Variants in FMN2 observed in about 807,000 individuals in gnomAD.
FMN2 encodes formin-2.
Under a neutral mutation model 142.3 loss-of-function variants are expected in FMN2, and 51 were observed. That is an observed-to-expected ratio of 0.36 (90% CI 0.29 to 0.45). The LOEUF (loss-of-function observed/expected upper bound fraction) is 0.45. Among genes scored for constraint, FMN2 ranks in the 20% least tolerant of loss-of-function variants. The pLI is 1.00. For missense variants in FMN2, 1,936 were observed against 2,122.8 expected, an observed-to-expected ratio of 0.91 and a Z score of 1.73; for synonymous variants, 882 against 869.8, an observed-to-expected ratio of 1.01 and a Z score of -0.25.
At chr1:240,368,445 A>G (rs1008169715) in intron 14 of FMN2, among the ~76,000 whole-genome samples, 4 of 152,154 alleles carry the variant, frequency 2.6e-5, no homozygotes, top group African/African-American at 9.7e-5. Flanking sequence ...ATGTTTTTGT[A>G]CAAATATTTC....
At chr1:240,331,397 T>C (rs1016079292) in intron 11 of FMN2, among the ~76,000 whole-genome samples, 1 of 152,270 alleles carries the variant, frequency 6.6e-6, no homozygotes, top group South Asian at 2.1e-4. Context: ...TTAGGAATGA[T>C]GGTTAGAGTC....
chr1:240,369,231 G>C (rs1325554421), intron 14 of FMN2, among the ~76,000 whole-genome samples: 1 of 152,048 alleles, frequency 6.6e-6, no homozygotes, highest in African/African-American at 2.4e-5. Flanking sequence ...ATATAAGTGA[G>C]ATCAAGCAAT....
At chr1:240,186,117 A>C (rs1665437944) in intron 3 of FMN2, among the ~76,000 whole-genome samples, 1 of 152,184 alleles carries the variant, frequency 6.6e-6, no homozygotes, top group Admixed American at 6.5e-5. Flanking sequence ...GCATCATGCT[A>C]TTCTCAGTGA....
intron 5 of FMN2, among the ~76,000 whole-genome samples, chr1:240,209,256 T>G (rs982329896): frequency 6.6e-6 from 1 of 151,892 alleles, no homozygotes; most frequent in South Asian, 2.1e-4. Flanking sequence ...TCCTTTTTTT[T>G]TTTTTTGGAG....
intron 14 of FMN2, among the ~76,000 whole-genome samples, chr1:240,374,424 T>C (rs1672975197): frequency 6.6e-6 from 1 of 152,192 alleles, no homozygotes; most frequent in African/African-American, 2.4e-5. Context: ...ACACTGAAAA[T>C]CTGTTGTAGT....
intron 2 of FMN2, among the ~76,000 whole-genome samples, chr1:240,127,556 C>T (rs1404505528): frequency 2.0e-5 from 3 of 152,070 alleles, no homozygotes; most frequent in Non-Finnish European, 4.4e-5. Flanking sequence ...TGGCTCACCG[C>T]AGTCTCGATC....
chr1:240,373,418 A>G (rs1672938063), intron 14 of FMN2, among the ~76,000 whole-genome samples: 1 of 152,330 alleles, frequency 6.6e-6, no homozygotes, highest in African/African-American at 2.4e-5. Flanking sequence ...GCTATTTGGT[A>G]GTATTTTACC....
At chr1:240,298,812 G>A (rs1363005326) in intron 8 of FMN2, among the ~76,000 whole-genome samples, 3 of 152,100 alleles carry the variant, frequency 2.0e-5, no homozygotes, top group East Asian at 1.9e-4. Context: ...GTTGGGGACC[G>A]CTGCTGTCTA....
At chr1:240,123,459 T>A in intron 2 of FMN2, 114 bp downstream of exon 2, 1 of 1,042,700 alleles carries the variant, frequency 9.6e-7, no homozygotes, top group Non-Finnish European at 1.3e-6. Context: ...GATTCAAGCA[T>A]TTTTTTTCCT....
At chr1:240,368,072 A>G (rs1393240853) in intron 14 of FMN2, among the ~76,000 whole-genome samples, 1 of 152,110 alleles carries the variant, frequency 6.6e-6, no homozygotes. Flanking sequence ...GGTTTTCTCT[A>G]TACTATTCCA....
At chr1:240,124,170 A>G (rs6660144) in intron 2 of FMN2, among the ~76,000 whole-genome samples, 13,488 of 152,220 alleles carry the variant, frequency 0.089, 675 homozygotes, top group African/African-American at 0.11. Context: ...ATGAGGTACA[A>G]ATACCTCTTC....
chr1:240,367,564 C>T (rs184011308), intron 14 of FMN2, among the ~76,000 whole-genome samples: 14 of 151,752 alleles, frequency 9.2e-5, no homozygotes, highest in African/African-American at 1.9e-4. Flanking sequence ...GTCAGGAGAT[C>T]GAGACCATCC....
intron 16 of FMN2, chr1:240,458,529 G>GGTC (rs1676329159): frequency 6.6e-6 from 1 of 152,064 alleles, no homozygotes; most frequent in Non-Finnish European, 1.5e-5. Flanking sequence ...GCTAGAGAAG[G>GGTC]GTCAGAAACT....
intron 7 of FMN2, among the ~76,000 whole-genome samples, chr1:240,269,060 C>A (rs1668907193): frequency 6.6e-6 from 1 of 151,914 alleles, no homozygotes; most frequent in Non-Finnish European, 1.5e-5. Flanking sequence ...TTGATGCCAT[C>A]CCATTTGTCT....
chr1:240,328,147 C>CAAAAAA (rs780595882), intron 8 of FMN2, among the ~76,000 whole-genome samples: 323 of 51,120 alleles, frequency 6.3e-3, no homozygotes, highest in East Asian at 8.3e-3. Context: ...GACCCCATCT[C>CAAAAAA]AAAAAAAAAA....
Position 240,309,780 on chromosome 1 carries a change from G to A in FMN2, c.4215+14897G>A, listed in dbSNP as rs529802915. 1.4e-4 allele frequency among the ~76,000 whole-genome samples: 21 copies of A among 152,170 alleles called. No individual in the cohort carries two copies. The South Asian group carries it at 1.5e-3, about 11-fold the overall frequency. Reference sequence around the variant, plus strand: ...GCTGCTGAGTCCAGTCCGTTATCTCGGATTCAGTTCTAGAAGGCAAACTGA... The same window carrying A: ...GCTGCTGAGTCCAGTCCGTTATCTCAGATTCAGTTCTAGAAGGCAAACTGA... On this transcript the variant is annotated intron_variant, in intron 8 of 17. Transcript: ENST00000319653.
chr1:240,098,565 C>T (rs10495458), intron 1 of FMN2, among the ~76,000 whole-genome samples: 11,525 of 152,086 alleles, frequency 0.076, 964 homozygotes, highest in African/African-American at 0.21. Context: ...CTGCCTGATA[C>T]GTATAAAATG....
chr1:240,129,040 A>C (rs1662630150), intron 2 of FMN2, among the ~76,000 whole-genome samples: 1 of 151,824 alleles, frequency 6.6e-6, no homozygotes, highest in South Asian at 2.1e-4. Flanking sequence ...CGCCGAGCTA[A>C]TTTTTGTATT....
chr1:240,422,551 G>T (rs573794509), intron 15 of FMN2, among the ~76,000 whole-genome samples: 1 of 152,102 alleles, frequency 6.6e-6, no homozygotes, highest in Non-Finnish European at 1.5e-5. Flanking sequence ...TAATTATTCA[G>T]TGCTGGTATA....
Sources: allele counts gnomAD v4.1 joint callset (sites outside exome capture counted in the v4.1 genomes callset), GRCh38; gene constraint gnomAD v4.1.1; transcripts MANE v1.5; gene names NCBI Gene and HGNC (gene_info 2026-07-23, HGNC 2026-07-21).